Variants in CMTM6 observed in about 807,000 individuals in gnomAD.
The protein encoded by CMTM6 is CKLF-like MARVEL transmembrane domain-containing protein 6.
A neutral mutation model predicts 13.6 loss-of-function variants in CMTM6; 5 were observed. The observed-to-expected ratio is 0.37, with a 90% confidence interval of 0.19 to 0.77. The LOEUF (loss-of-function observed/expected upper bound fraction) is 0.77. Ranked by LOEUF, CMTM6 falls within the 30% of genes least tolerant of loss-of-function variation. CMTM6 has a pLI of 0.50. For synonymous variants in CMTM6, 99 were observed against 84.5 expected, an observed-to-expected ratio of 1.17 and a Z score of -0.94; for missense variants, 196 against 218.6, an observed-to-expected ratio of 0.90 and a Z score of 0.65.
Position 32,502,765 on chromosome 3 carries a change from C to A in CMTM6, c.-20G>T. On this transcript the variant is annotated 5_prime_UTR_variant, in exon 1 of 4. Transcript: ENST00000205636. ...CTCCATCGCCTCGGGCCGGGGAGCGCGGCGGCCGCAGCAACCGCGCCGTTG... is the reference window on the plus strand; with the variant it reads ...CTCCATCGCCTCGGGCCGGGGAGCGAGGCGGCCGCAGCAACCGCGCCGTTG... The A allele has an allele frequency of 7.1e-7, 1 of 1,409,806 alleles. No individual in the cohort carries two copies. The highest frequency in any genetic ancestry group is 9.2e-7 in the Non-Finnish European group (1 of 1,081,738). The allele number at this position is 1,409,806 out of a possible 1,614,324, so 87.3% of individuals were successfully genotyped here. A position where few individuals can be genotyped will look rare whatever the true frequency, so the allele number is the denominator to read the frequency against.
chr3:32,484,053 G>A lies in CMTM6; in HGVS notation c.459C>T (p.Ile153=), dbSNP rs1318050545. The A allele has an allele frequency of 6.2e-7, 1 of 1,609,436 alleles. No homozygotes were observed. The highest frequency in any genetic ancestry group is 8.5e-7 in the Non-Finnish European group (1 of 1,178,214). Residue 153 remains isoleucine (I), a synonymous_variant, in exon 4 of 4, where the codon ATC becomes ATT. Coordinates refer to ENST00000205636, the MANE Select transcript of CMTM6 (RefSeq NM_017801.3). The stretch of plus-strand genomic sequence containing the variant: ...CCTGTCGTTTTTCATACAGCATAGT[G>A]ATAAAGTCAAGTAGGAACATAAAAC... ...IASFMFLLDF[I]TMLYEKRQES... is the part of the protein sequence containing the mutation.
At chr3:32,500,846 CAGG>C (rs1434942502) in intron 1 of CMTM6, among the ~76,000 whole-genome samples, 1 of 152,114 alleles carries the variant, frequency 6.6e-6, no homozygotes, top group East Asian at 1.9e-4. Context: ...CAACTGAAAA[CAGG>C]AGATTTTGTG....
chr3:32,495,244 C>G (rs1697280874), intron 1 of CMTM6, among the ~76,000 whole-genome samples: 1 of 152,082 alleles, frequency 6.6e-6, no homozygotes. Context: ...GTTAGTGAAG[C>G]ATGAAATAGC....
At chr3:32,487,316 A>G (rs1324375514) in intron 3 of CMTM6, among the ~76,000 whole-genome samples, 2 of 151,998 alleles carry the variant, frequency 1.3e-5, no homozygotes, top group Non-Finnish European at 2.9e-5. Context: ...TGTATAACCC[A>G]CTGAAAACTG....
chr3:32,500,990 G>A (rs978575367), intron 1 of CMTM6, among the ~76,000 whole-genome samples: 6 of 148,160 alleles, frequency 4.0e-5, no homozygotes, highest in Non-Finnish European at 7.5e-5. Context: ...GAAGTCAGGA[G>A]TTTGAGACCA....
chr3:32,498,793 T>C (rs1559426050), intron 1 of CMTM6, among the ~76,000 whole-genome samples: 1 of 151,870 alleles, frequency 6.6e-6, no homozygotes, highest in Non-Finnish European at 1.5e-5. Flanking sequence ...TTGGCCAGGA[T>C]GGTCTCTATC....
chr3:32,491,710 C>T lies in CMTM6; in HGVS notation c.315G>A (p.Ser105=). Residue 105 remains serine, a splice_region_variant and synonymous_variant, in exon 2 of 4, where the codon TCG becomes TCA. Transcript: ENST00000205636. The stretch of plus-strand genomic sequence containing the variant: ...AGGGATGATATTTTCTCATGCTTAC[C>T]GATGATTTTACTTTTGTGGTATCAA... ...ERVDTTKVKS[S]DFYITLGTGC... 3.8e-6 allele frequency: 6 copies of T among 1,585,888 alleles called. No individual in the cohort carries two copies. The highest frequency in any genetic ancestry group is 3.5e-5 in the South Asian group (3 of 86,882).
chr3:32,502,806 G>C lies in CMTM6; in HGVS notation c.-61C>G. The C allele has an allele frequency of 8.8e-6, 12 of 1,368,664 alleles. No homozygotes were observed. Among genetic ancestry groups the C allele is most frequent in the Non-Finnish European group, 1.1e-5 (12 of 1,061,466 alleles). 84.8% of individuals were successfully genotyped at this position (1,368,664 alleles called of 1,614,324 possible). A position where few individuals can be genotyped will look rare whatever the true frequency, so the allele number is the denominator to read the frequency against. On this transcript the variant is annotated 5_prime_UTR_variant, in exon 1 of 4. Coordinates refer to ENST00000205636, the MANE Select transcript of CMTM6 (RefSeq NM_017801.3). ...CGCGCCGTTGACTTCTCGGACTCCA[G>C]AAGTCCCCGGTAGCCGGGAGGCGGC... is the stretch of plus-strand genomic sequence containing the variant.
chr3:32,497,168 G>A (rs1697300280), intron 1 of CMTM6, among the ~76,000 whole-genome samples: 1 of 151,848 alleles, frequency 6.6e-6, no homozygotes, highest in Non-Finnish European at 1.5e-5. Flanking sequence ...CGGATCACGA[G>A]GTCAGGAGAT....
intron 2 of CMTM6, among the ~76,000 whole-genome samples, chr3:32,488,703 T>A (rs1218980377): frequency 6.6e-6 from 1 of 152,212 alleles, no homozygotes; most frequent in Non-Finnish European, 1.5e-5. Flanking sequence ...TCCAAGTGGG[T>A]AATCTACAGT....
Position 32,502,791 on chromosome 3 carries a change from A to T in CMTM6, c.-46T>A. On this transcript the variant is annotated 5_prime_UTR_variant, in exon 1 of 4. Coordinates refer to ENST00000205636, the MANE Select transcript of CMTM6 (RefSeq NM_017801.3). ...GGCGGCCGCAGCAACCGCGCCGTTGACTTCTCGGACTCCAGAAGTCCCCGG... is the reference window on the plus strand; with the variant it reads ...GGCGGCCGCAGCAACCGCGCCGTTGTCTTCTCGGACTCCAGAAGTCCCCGG... 1 of 1,388,884 alleles carries T rather than the reference A, an allele frequency of 7.2e-7. No individual in the cohort carries two copies. The highest frequency in any genetic ancestry group is 9.3e-7 in the Non-Finnish European group (1 of 1,071,672). 86.0% of individuals were successfully genotyped at this position (1,388,884 alleles called of 1,614,324 possible).
chr3:32,502,824 G>C lies in CMTM6; in HGVS notation c.-79C>G. The C allele has an allele frequency of 1.5e-6, 2 of 1,353,602 alleles. No individual in the cohort carries two copies. Among genetic ancestry groups the C allele is most frequent in the Non-Finnish European group, 1.9e-6 (2 of 1,052,946 alleles). The allele number at this position is 1,353,602 out of a possible 1,614,324, so 83.8% of individuals were successfully genotyped here. ...GACTCCAGAAGTCCCCGGTAGCCGG[G>C]AGGCGGCCGTCACTTCCTGGGCCTT... is the stretch of plus-strand genomic sequence containing the variant. On this transcript the variant is annotated 5_prime_UTR_variant, in exon 1 of 4. Transcript: ENST00000205636.
At chr3:32,488,194 G>A in intron 2 of CMTM6, 158 bp from the exon 3 acceptor site, 1 of 574,592 alleles carries the variant, frequency 1.7e-6, no homozygotes, top group Non-Finnish European at 3.2e-6. Flanking sequence ...CAATAAGCCT[G>A]GCATTCAATA....
chr3:32,493,404 AAG>A (rs1298458782), intron 1 of CMTM6, among the ~76,000 whole-genome samples: 4 of 152,340 alleles, frequency 2.6e-5, no homozygotes, highest in African/African-American at 9.6e-5. Context: ...TCACTGAAAA[AAG>A]AGTCAGGTTT....
chr3:32,502,654 A>T lies in CMTM6; in HGVS notation c.92T>A (p.Met31Lys), dbSNP rs773593849. The T allele has an allele frequency of 2.5e-6, 4 of 1,595,094 alleles. No homozygotes were observed. In the Admixed American group the frequency reaches 6.9e-5, roughly 28 times the overall value. ...GCGCCGGAGCAATGGGAGCCGGCCC[A>T]TGAAAAAGTAGGCAGCGAGGCCGCT... The part of the protein sequence containing the change: ...PRSGLAAYFF[M>K]GRLPLLRRVL... Residue 31 changes from methionine (M) to lysine (K), a missense_variant, in exon 1 of 4, where the codon ATG (methionine) becomes AAG (lysine). Around this residue, in one of 2 missense-constraint regions of CMTM6, gnomAD observed 85 missense variants for 58.7 expected, o/e 1.45. Transcript: ENST00000205636.
chr3:32,485,860 CTATT>C (rs1335327042), intron 3 of CMTM6, among the ~76,000 whole-genome samples: 1 of 152,144 alleles, frequency 6.6e-6, no homozygotes, highest in African/African-American at 2.4e-5. Flanking sequence ...GCTGACAACT[CTATT>C]AATTACAACT....
intron 1 of CMTM6, among the ~76,000 whole-genome samples, chr3:32,494,656 A>G (rs755999383): frequency 1.6e-4 from 24 of 152,230 alleles, no homozygotes; most frequent in Non-Finnish European, 3.2e-4. Context: ...TGGTACATCC[A>G]TACCATGGAA....
intron 2 of CMTM6, 67 bp downstream of exon 2, chr3:32,491,642 TG>T: frequency 1.5e-6 from 2 of 1,368,362 alleles, no homozygotes; most frequent in Non-Finnish European, 2.0e-6. Context: ...ATTACTGCTT[TG>T]AACAATAAAA....
At chr3:32,491,315 AG>A (rs1158651531) in intron 2 of CMTM6, among the ~76,000 whole-genome samples, 1 of 152,236 alleles carries the variant, frequency 6.6e-6, no homozygotes, top group Non-Finnish European at 1.5e-5. Flanking sequence ...ATTTCACATT[AG>A]TTCATTACTC....
Sources: gnomAD v4.1 joint callset for allele counts (sites outside exome capture counted in the v4.1 genomes callset) on GRCh38, gnomAD v4.1.1 for gene constraint, gnomAD v4.1.1 regional missense constraint, MANE v1.5 for transcripts, NCBI Gene and HGNC (gene_info 2026-07-23, HGNC 2026-07-21) for gene names.